ARHGAP10: variants seen among roughly 807,000 people sequenced by gnomAD.
ARHGAP10 encodes the protein Rho GTPase activating protein 10.
ARHGAP10 carries 87 observed loss-of-function variants against 108.6 expected under a neutral mutation model. The observed-to-expected ratio is 0.80, with a 90% confidence interval of 0.67 to 0.96. The LOEUF is 0.96. Among genes scored for constraint, ARHGAP10 ranks in the 40% least tolerant of loss-of-function variants. ARHGAP10 has a pLI of 0.00. For synonymous variants in ARHGAP10, 347 were observed against 341.1 expected (o/e 1.02, Z -0.19); for missense variants, 939 against 954.5 (o/e 0.98, Z 0.21).
chr4:147,833,070 A>G (rs1733017768), intron 3 of ARHGAP10, among the ~76,000 whole-genome samples: 1 of 152,176 alleles, frequency 6.6e-6, no homozygotes, highest in African/African-American at 2.4e-5. Flanking sequence ...TCTTGGAAGA[A>G]AATCCTGGAT....
At chr4:147,918,722 C>G (rs1338528275) in intron 13 of ARHGAP10, among the ~76,000 whole-genome samples, 1 of 152,192 alleles carries the variant, frequency 6.6e-6, no homozygotes, top group African/African-American at 2.4e-5. Context: ...ATTTAATTCA[C>G]TATCACTGGG....
intron 18 of ARHGAP10, among the ~76,000 whole-genome samples, chr4:148,006,623 C>G (rs1490269229): frequency 6.6e-6 from 1 of 152,176 alleles, no homozygotes; most frequent in Non-Finnish European, 1.5e-5. Flanking sequence ...TTTGATTTCC[C>G]TGTTGACTTA....
At chr4:147,769,748 C>A (rs912544324) in intron 1 of ARHGAP10, among the ~76,000 whole-genome samples, 11 of 152,066 alleles carry the variant, frequency 7.2e-5, no homozygotes, top group Admixed American at 7.2e-4. Context: ...TGACCCGTTT[C>A]CTGAACTTTT....
At chr4:147,828,504 T>C (rs897655120) in intron 3 of ARHGAP10, among the ~76,000 whole-genome samples, 1 of 152,222 alleles carries the variant, frequency 6.6e-6, no homozygotes, top group Non-Finnish European at 1.5e-5. Flanking sequence ...TAAGTAGTGA[T>C]TCATCCATTG....
Position 147,732,158 on chromosome 4 carries a change from G to A in ARHGAP10, c.-144G>A, listed in dbSNP as rs1485499162. On this transcript the variant is annotated 5_prime_UTR_variant, in exon 1 of 23. An upstream start codon of the reference 5' UTR is lost. Coordinates refer to ENST00000336498, the MANE Select transcript of ARHGAP10 (RefSeq NM_024605.4). ...CGCAGGACTCGGCTCTACGGGACAT[G>A]TCCGTGCCGCGCTCGCCGCGCGCCC... 1 of 722,062 alleles carries A rather than the reference G, an allele frequency of 1.4e-6. No individual in the cohort carries two copies. Among genetic ancestry groups the A allele is most frequent in the East Asian group, 3.7e-5 (1 of 27,280 alleles). 44.7% of individuals were successfully genotyped at this position (722,062 alleles called of 1,614,324 possible).
chr4:147,844,737 A>G (rs759526096), intron 3 of ARHGAP10, among the ~76,000 whole-genome samples: 1 of 152,070 alleles, frequency 6.6e-6, no homozygotes, highest in Non-Finnish European at 1.5e-5. Context: ...AAATCTGTCT[A>G]CTTGTCTTTA....
intron 5 of ARHGAP10, among the ~76,000 whole-genome samples, chr4:147,860,532 G>A (rs949262152): frequency 6.6e-6 from 1 of 152,200 alleles, no homozygotes; most frequent in Non-Finnish European, 1.5e-5. Context: ...CTGAGGCCTT[G>A]CTGCTATACC....
chr4:147,871,687 T>C (rs905153510), intron 7 of ARHGAP10, among the ~76,000 whole-genome samples: 4 of 152,252 alleles, frequency 2.6e-5, no homozygotes, highest in Non-Finnish European at 5.9e-5. Context: ...CTAACATTAT[T>C]GTAATTAGAA....
intron 18 of ARHGAP10, among the ~76,000 whole-genome samples, chr4:147,982,546 CTTTTTTTTTTTT>C (rs753773443): frequency 1.5e-5 from 1 of 66,270 alleles, no homozygotes; most frequent in Non-Finnish European, 2.6e-5. Flanking sequence ...CCAGCTAAAT[CTTTTTTTTTTTT>C]TTTTTTTTTT....
intron 1 of ARHGAP10, among the ~76,000 whole-genome samples, chr4:147,758,973 A>C (rs918506819): frequency 2.4e-4 from 31 of 130,452 alleles, no homozygotes; most frequent in South Asian, 5.0e-4. Flanking sequence ...ACTCTGTCTC[A>C]AAAAAAAAAA....
chr4:148,053,534 A>G (rs962733512), intron 20 of ARHGAP10, among the ~76,000 whole-genome samples: 9 of 152,198 alleles, frequency 5.9e-5, no homozygotes, highest in African/African-American at 1.2e-4. Context: ...AATTTGATCT[A>G]TGCAACCAGG....
chr4:147,888,413 T>G (rs1735657290), intron 10 of ARHGAP10, among the ~76,000 whole-genome samples: 1 of 152,188 alleles, frequency 6.6e-6, no homozygotes, highest in Admixed American at 6.5e-5. Flanking sequence ...AGTTTTCCAA[T>G]AAGTCTTGGG....
intron 18 of ARHGAP10, among the ~76,000 whole-genome samples, chr4:148,003,903 A>AGCCTAT (rs1553970221): frequency 6.6e-6 from 1 of 152,188 alleles, no homozygotes; most frequent in African/African-American, 2.4e-5. Flanking sequence ...TGTAAGCCTA[A>AGCCTAT]ATCAGCAAGT....
chr4:147,844,628 A>G (rs1385248840), intron 3 of ARHGAP10, among the ~76,000 whole-genome samples: 1 of 152,066 alleles, frequency 6.6e-6, no homozygotes, highest in Non-Finnish European at 1.5e-5. Flanking sequence ...TTATCTCTTC[A>G]TTTGTTCATG....
intron 15 of ARHGAP10, 101 bp from the exon 16 acceptor site, chr4:147,955,215 A>G: frequency 8.9e-7 from 1 of 1,129,306 alleles, no homozygotes; most frequent in South Asian, 1.4e-5. Context: ...TTTACACATT[A>G]ATTAAGAAAT....
rs1196861880 is a variant in ARHGAP10, at chr4:147,742,454, C to T, written c.154+9999C>T. 2.1e-5 allele frequency among the ~76,000 whole-genome samples: 3 copies of T among 143,360 alleles called. No individual in the cohort carries two copies. In the East Asian group the frequency reaches 6.1e-4, roughly 29 times the overall value. The allele number at this position is 143,360 out of a possible 152,430, so 94.0% of individuals were successfully genotyped here. A position where few individuals can be genotyped will look rare whatever the true frequency, so the allele number is the denominator to read the frequency against. ...ACAGTTGTGGCTTTACCCATAGTTA[C>T]AGGAGAAATAGTCTGTGAACACTTT... On this transcript the variant is annotated intron_variant, in intron 1 of 22. Coordinates refer to ENST00000336498, the MANE Select transcript of ARHGAP10 (RefSeq NM_024605.4).
intron 1 of ARHGAP10, among the ~76,000 whole-genome samples, chr4:147,783,118 T>A (rs1047252271): frequency 7.0e-6 from 1 of 143,212 alleles, no homozygotes; most frequent in African/African-American, 2.5e-5. Context: ...TGTTAAATTA[T>A]ATATTATATA....
chr4:147,889,012 A>C (rs1337133108), intron 10 of ARHGAP10, among the ~76,000 whole-genome samples: 1 of 152,196 alleles, frequency 6.6e-6, no homozygotes, highest in Non-Finnish European at 1.5e-5. Flanking sequence ...TGTCTTACTT[A>C]GTGTTACTTG....
rs137954783 is a variant in ARHGAP10 at position 147,943,189 on chromosome 4, G to C, written c.1303+3290G>C. Among the ~76,000 whole-genome samples the C allele has an allele frequency of 1.4e-3, 206 of 152,358 alleles. 2 individuals carry two copies. The highest frequency in any genetic ancestry group is 4.7e-3 in the African/African-American group (197 of 41,584). ...AGTTTAAAACATCAGAGTGGAAGAA[G>C]AGGAAATTGTGAGAAAATGTGGTAG... is the stretch of plus-strand genomic sequence containing the variant. On this transcript the variant is annotated intron_variant, in intron 14 of 22. Coordinates refer to ENST00000336498, the MANE Select transcript of ARHGAP10 (RefSeq NM_024605.4).
Sources: gnomAD v4.1 joint callset for allele counts (sites outside exome capture counted in the v4.1 genomes callset) on GRCh38, gnomAD v4.1.1 for gene constraint, MANE v1.5 for transcripts, NCBI Gene and HGNC (gene_info 2026-07-23, HGNC 2026-07-21) for gene names.